The following FAM163A variants were observed in gnomAD, a reference collection of about 807,000 sequenced individuals.
FAM163A encodes protein FAM163A.
A neutral mutation model predicts 12.0 loss-of-function variants in FAM163A; 7 were observed. The observed-to-expected ratio is 0.58, with a 90% CI of 0.33 to 1.10. The LOEUF (loss-of-function observed/expected upper bound fraction) is 1.10, where lower values mean the gene tolerates loss of function less well. Among genes scored for constraint, FAM163A ranks in the 50% least tolerant of loss-of-function variants. The probability of loss-of-function intolerance (pLI) is 0.03; values close to 1 mark genes in which losing one functional copy is unlikely to be tolerated. For missense variants in FAM163A, 202 were observed against 218.6 expected (o/e 0.92, Z 0.48); for synonymous variants, 101 against 91.0 (o/e 1.11, Z -0.62).
At chr1:179,765,461 C>T (rs182017161) in intron 1 of FAM163A, among the ~76,000 whole-genome samples, 4 of 152,212 alleles carry the variant, frequency 2.6e-5, no homozygotes, top group Admixed American at 6.5e-5. Flanking sequence ...AAGTAAAAGA[C>T]GGTAATATTC....
intron 2 of FAM163A, among the ~76,000 whole-genome samples, chr1:179,809,572 G>A (rs1240037413): frequency 6.6e-6 from 1 of 152,200 alleles, no homozygotes; most frequent in African/African-American, 2.4e-5. Flanking sequence ...GGCCATTGCC[G>A]TGCACAGCCT....
chr1:179,745,292 C>T (rs191955247), intron 1 of FAM163A, among the ~76,000 whole-genome samples: 3 of 152,268 alleles, frequency 2.0e-5, no homozygotes, highest in Non-Finnish European at 4.4e-5. Context: ...GAGATGGGCT[C>T]GTGCAGATGA....
At chr1:179,749,915 G>C (rs1376405427) in intron 1 of FAM163A, among the ~76,000 whole-genome samples, 1 of 152,186 alleles carries the variant, frequency 6.6e-6, no homozygotes, top group Non-Finnish European at 1.5e-5. Context: ...GAAGAGCACA[G>C]GTGCCAAGTG....
chr1:179,814,244 T>C lies in FAM163A; in HGVS notation c.*55T>C. On this transcript the variant is annotated 3_prime_UTR_variant, in exon 5 of 5. Coordinates refer to ENST00000341785, the MANE Select transcript of FAM163A (RefSeq NM_173509.3). ...CACACTGCTGCCCTGGCGGGGGCCA[T>C]GGGGGTGATGAATGACCCTCCAACA... The C allele has an allele frequency of 6.5e-7, 1 of 1,531,860 alleles. No homozygotes were observed. Among genetic ancestry groups the C allele is most frequent in the East Asian group, 2.3e-5 (1 of 43,990 alleles). 94.9% of individuals were successfully genotyped at this position (1,531,860 alleles called of 1,614,324 possible).
At chr1:179,782,930 T>C (rs1385161939) in intron 1 of FAM163A, among the ~76,000 whole-genome samples, 2 of 152,118 alleles carry the variant, frequency 1.3e-5, no homozygotes, top group African/African-American at 4.8e-5. Flanking sequence ...GCAACTTGTA[T>C]CCCAAACCAC....
chr1:179,770,176 A>AT (rs1688084540), intron 1 of FAM163A, among the ~76,000 whole-genome samples: 1 of 151,884 alleles, frequency 6.6e-6, no homozygotes, highest in Non-Finnish European at 1.5e-5. Flanking sequence ...AAGTGCTGGG[A>AT]TTACAGGTGT....
chr1:179,788,867 G>A (rs886279498), intron 1 of FAM163A, among the ~76,000 whole-genome samples: 3 of 152,192 alleles, frequency 2.0e-5, no homozygotes, highest in African/African-American at 4.8e-5. Flanking sequence ...CACTCACCAG[G>A]TGGGGTGTTT....
chr1:179,738,147 C>T, the FAM163A span, among the ~76,000 whole-genome samples: 6 of 152,054 alleles, frequency 3.9e-5, no homozygotes, highest in African/African-American at 1.2e-4. Context: ...TTAACAGATA[C>T]AAAAGTACAG....
Position 179,815,103 on chromosome 1 carries a change from G to GCA in FAM163A, c.*915_*916insAC, listed in dbSNP as rs1269140609. The stretch of plus-strand genomic sequence containing the variant: ...CGTTCCCAGGTGTACGCACGCGCGC[G>GCA]CGCGCGCACAGACACACACACACAC... On this transcript the variant is annotated 3_prime_UTR_variant, in exon 5 of 5. Coordinates refer to ENST00000341785, the MANE Select transcript of FAM163A (RefSeq NM_173509.3). 136 of 117,542 alleles carry GCA rather than the reference G, an allele frequency of 1.2e-3. 1 individual carries two copies. Among genetic ancestry groups the GCA allele is most frequent in the African/African-American group, 3.4e-3 (84 of 25,064 alleles). 7.3% of individuals were successfully genotyped at this position (117,542 alleles called of 1,614,324 possible).
intron 1 of FAM163A, among the ~76,000 whole-genome samples, chr1:179,760,754 C>T (rs1244119709): frequency 2.0e-5 from 3 of 152,196 alleles, no homozygotes; most frequent in African/African-American, 7.2e-5. Flanking sequence ...CTGGTCTTCT[C>T]CAATACATCC....
intron 1 of FAM163A, among the ~76,000 whole-genome samples, chr1:179,801,966 T>C (rs1314241914): frequency 1.3e-5 from 2 of 152,166 alleles, no homozygotes; most frequent in African/African-American, 4.8e-5. Context: ...AGAGGACAAA[T>C]AGGCCTTAGG....
the FAM163A span, among the ~76,000 whole-genome samples, chr1:179,737,331 G>A: frequency 1.3e-5 from 2 of 152,174 alleles, no homozygotes; most frequent in African/African-American, 4.8e-5. Flanking sequence ...AAAATAAATA[G>A]TGGTTTCCAA....
At chr1:179,751,882 A>G (rs1252404142) in intron 1 of FAM163A, among the ~76,000 whole-genome samples, 3 of 152,202 alleles carry the variant, frequency 2.0e-5, no homozygotes, top group Non-Finnish European at 4.4e-5. Context: ...TGTCCATACT[A>G]TCCAAAGTGA....
intron 1 of FAM163A, among the ~76,000 whole-genome samples, chr1:179,758,083 C>A (rs1282373889): frequency 6.6e-6 from 1 of 152,164 alleles, no homozygotes; most frequent in African/African-American, 2.4e-5. Flanking sequence ...TTGAGAATAT[C>A]TCGAGGGTAT....
At chr1:179,742,747 C>G (rs1267114703), upstream of FAM163A, 2 of 152,402 alleles carry the variant, frequency 1.3e-5, no homozygotes, top group Non-Finnish European at 2.9e-5. Context: ...TGCTTCTCTC[C>G]CTTCCTGCCT....
At chr1:179,779,619 T>C (rs1376804540) in intron 1 of FAM163A, among the ~76,000 whole-genome samples, 2 of 152,260 alleles carry the variant, frequency 1.3e-5, no homozygotes, top group Admixed American at 6.5e-5. Context: ...CTTGGCTTTC[T>C]AGACATTTGA....
At chr1:179,746,493 AAC>A (rs1162018528) in intron 1 of FAM163A, among the ~76,000 whole-genome samples, 2 of 152,226 alleles carry the variant, frequency 1.3e-5, no homozygotes, top group Non-Finnish European at 2.9e-5. Flanking sequence ...TGGAAAAAAC[AAC>A]ATGCCTGGAG....
intron 1 of FAM163A, among the ~76,000 whole-genome samples, chr1:179,773,251 G>A (rs1181247493): frequency 6.6e-6 from 1 of 151,994 alleles, no homozygotes; most frequent in Admixed American, 6.6e-5. Context: ...ATAGCACCAG[G>A]GATCCTTATG....
intron 1 of FAM163A, among the ~76,000 whole-genome samples, chr1:179,760,122 A>T (rs192978517): frequency 2.3e-3 from 354 of 152,322 alleles, no homozygotes; most frequent in Admixed American, 3.5e-3. Context: ...ATGGCGGTCC[A>T]GGCGAGAGTC....
Sources: gnomAD v4.1 joint callset for allele counts (sites outside exome capture counted in the v4.1 genomes callset) on GRCh38, gnomAD v4.1.1 for gene constraint, MANE v1.5 for transcripts, NCBI Gene and HGNC (gene_info 2026-07-23, HGNC 2026-07-21) for gene names.